The following SNAP47 variants were observed in gnomAD, a reference collection of about 807,000 sequenced individuals.
SNAP47 encodes the protein synaptosome associated protein 47, also known as synaptosomal-associated protein 47.
SNAP47 carries 20 observed loss-of-function variants against 31.4 expected under a neutral mutation model. The observed-to-expected ratio is 0.64, with a 90% confidence interval of 0.45 to 0.93. The LOEUF is 0.93. Among genes scored for constraint, SNAP47 ranks in the 40% least tolerant of loss-of-function variants. The pLI is 0.00. For synonymous variants in SNAP47, 194 were observed against 213.4 expected (o/e 0.91, Z 0.79); for missense variants, 492 against 528.5 (o/e 0.93, Z 0.68).
chr1:227,769,934 C>T (rs1173861089), intron 4 of SNAP47, among the ~76,000 whole-genome samples: 1 of 152,206 alleles, frequency 6.6e-6, no homozygotes, highest in Non-Finnish European at 1.5e-5. Flanking sequence ...GTCCACGTCC[C>T]TCTGTCTCCA....
upstream of SNAP47, chr1:227,734,036 TGAG>T (rs1356137258): frequency 6.2e-7 from 1 of 1,611,928 alleles, no homozygotes; most frequent in Admixed American, 1.7e-5. Flanking sequence ...AAAGTCCCTG[TGAG>T]GAGGGCGCAA....
At chr1:227,772,984 A>G (rs1288816514) in intron 4 of SNAP47, among the ~76,000 whole-genome samples, 1 of 152,038 alleles carries the variant, frequency 6.6e-6, no homozygotes, top group Non-Finnish European at 1.5e-5. Context: ...ATTTTGAGAC[A>G]GGGTCTCACT....
chr1:227,738,503 CTCTT>C (rs1185279084), intron 1 of SNAP47, among the ~76,000 whole-genome samples: 1 of 152,222 alleles, frequency 6.6e-6, no homozygotes, highest in Non-Finnish European at 1.5e-5. Flanking sequence ...CATACACAGT[CTCTT>C]TCTCCATCGT....
upstream of SNAP47, chr1:227,732,327 C>T (rs572040900): frequency 4.4e-6 from 7 of 1,573,856 alleles, no homozygotes; most frequent in East Asian, 1.6e-4. Flanking sequence ...GTCTTTATTT[C>T]TGGAAGGGCC....
chr1:227,733,939 G>T (rs779350354), upstream of SNAP47: 2 of 1,613,812 alleles, frequency 1.2e-6, no homozygotes, highest in Admixed American at 3.3e-5. Context: ...AGACAAAGCG[G>T]TAGTCATCCA....
chr1:227,729,182 C>A (rs552539356), intron 1 of SNAP47, among the ~76,000 whole-genome samples: 2 of 152,256 alleles, frequency 1.3e-5, no homozygotes, highest in Admixed American at 6.5e-5. Flanking sequence ...TCAGAGCCTG[C>A]AGTGGGAGGG....
At chr1:227,735,522 T>G (rs886496060) in intron 1 of SNAP47, 23 bp downstream of exon 1, 1 of 1,373,942 alleles carries the variant, frequency 7.3e-7, no homozygotes, top group Non-Finnish European at 9.3e-7. Context: ...GTTGGTCTGT[T>G]GGGCGCCCGG....
At chr1:227,777,248 C>A in intron 4 of SNAP47, 2 of 352,264 alleles carry the variant, frequency 5.7e-6, no homozygotes, top group Non-Finnish European at 8.0e-6. Context: ...GTGATCACAT[C>A]ACAACCAGGG....
upstream of SNAP47, chr1:227,735,019 C>A: frequency 6.5e-7 from 1 of 1,548,826 alleles, no homozygotes; most frequent in Non-Finnish European, 8.7e-7. Context: ...CACCGTAGGT[C>A]CGTAGCAGGT....
chr1:227,743,608 C>T (rs1661764753), intron 1 of SNAP47, among the ~76,000 whole-genome samples: 1 of 152,258 alleles, frequency 6.6e-6, no homozygotes. Flanking sequence ...CTGACACCTG[C>T]TCCCTTCACT....
intron 2 of SNAP47, among the ~76,000 whole-genome samples, chr1:227,750,034 T>C (rs1266806859): frequency 6.6e-6 from 1 of 152,276 alleles, no homozygotes; most frequent in African/African-American, 2.4e-5. Context: ...CATTGGCCAC[T>C]GTCCCTCAGC....
In SNAP47 at chr1:227,735,450, A is replaced by G; in HGVS notation, c.-95A>G. On this transcript the variant is annotated 5_prime_UTR_variant, in exon 1 of 5. Coordinates refer to ENST00000617596, the MANE Select transcript of SNAP47 (RefSeq NM_053052.4). ...CGCGGTCTTCACTGCGCAGGCGCCG[A>G]GCGGCCGAGGCGCCGCGGTCGGCTC... is the stretch of plus-strand genomic sequence containing the variant. 3 of 1,448,846 alleles carry G rather than the reference A, an allele frequency of 2.1e-6. No individual in the cohort carries two copies. Among genetic ancestry groups the G allele is most frequent in the Non-Finnish European group, 2.7e-6 (3 of 1,112,034 alleles). The allele number at this position is 1,448,846 out of a possible 1,614,324, so 89.7% of individuals were successfully genotyped here.
chr1:227,734,351 TTAA>T, upstream of SNAP47: 3 of 263,802 alleles, frequency 1.1e-5, no homozygotes, highest in South Asian at 8.5e-5. Flanking sequence ...CCTAGTCTCT[TTAA>T]AAAAAAAAAA....
upstream of SNAP47, chr1:227,735,386 G>T (rs749054018): frequency 1.3e-6 from 2 of 1,584,022 alleles, no homozygotes; most frequent in Non-Finnish European, 1.7e-6. Flanking sequence ...CCCCGCCAGC[G>T]CCTGGGGCTC....
In SNAP47 at chr1:227,762,330, C is replaced by T. The variant is rs927563652; in HGVS notation, c.988+2845C>T. Among the ~76,000 whole-genome samples the T allele has an allele frequency of 1.3e-5, 2 of 152,210 alleles. No individual in the cohort carries two copies. The highest frequency in any genetic ancestry group is 4.8e-5 in the African/African-American group (2 of 41,454). On this transcript the variant is annotated intron_variant, in intron 3 of 4. Coordinates refer to ENST00000617596, the MANE Select transcript of SNAP47 (RefSeq NM_053052.4). This position sits in a 1 kb window ranked among gnomAD's most constrained non-coding sequence, Gnocchi z 4.2. Reference sequence around the variant, plus strand: ...AAGAGGCTCCATGCAGGGGTTGGAGCGTGTGGTGCCCTGCCTGGTGCTATG... The same window carrying T: ...AAGAGGCTCCATGCAGGGGTTGGAGTGTGTGGTGCCCTGCCTGGTGCTATG...
intron 3 of SNAP47, among the ~76,000 whole-genome samples, chr1:227,766,264 C>G (rs1004234384): frequency 6.6e-6 from 1 of 152,230 alleles, no homozygotes; most frequent in Non-Finnish European, 1.5e-5. Flanking sequence ...CGTAGGGGAG[C>G]TGCGTGTGCT....
chr1:227,731,996 G>A, upstream of SNAP47: 1 of 260,016 alleles, frequency 3.8e-6, no homozygotes, highest in Non-Finnish European at 7.5e-6. Flanking sequence ...GAACCCACAG[G>A]GCAGAGCCAG....
chr1:227,732,238 A>C, upstream of SNAP47: 2 of 867,480 alleles, frequency 2.3e-6, no homozygotes, highest in Non-Finnish European at 1.8e-6. Context: ...CTCACCTGAA[A>C]ACAGGCACCC....
At position 227,767,202 on chromosome 1, in the gene SNAP47, C is replaced by T. The variant is rs1350748655; in HGVS notation, c.1113+119C>T. ...GTCATCCATCCGTATTGGCCTCGCA[C>T]CAAGGAGGAGCTGCTGGCCTCCACT... On this transcript the variant is annotated intron_variant, in intron 4 of 4. Coordinates refer to ENST00000617596, the MANE Select transcript of SNAP47 (RefSeq NM_053052.4). 3 of 1,437,952 alleles carry T rather than the reference C, an allele frequency of 2.1e-6. No homozygotes were observed. In the African/African-American group the frequency reaches 4.2e-5, roughly 20 times the overall value. 89.1% of individuals were successfully genotyped at this position (1,437,952 alleles called of 1,614,324 possible). A position where few individuals can be genotyped will look rare whatever the true frequency, so the allele number is the denominator to read the frequency against.
Sources: gnomAD v4.1 joint callset for allele counts (sites outside exome capture counted in the v4.1 genomes callset) on GRCh38, gnomAD v4.1.1 for gene constraint, Gnocchi (gnomAD v3.1) non-coding constraint, MANE v1.5 for transcripts, NCBI Gene and HGNC (gene_info 2026-07-23, HGNC 2026-07-21) for gene names.